CCDC178: variants seen among roughly 807,000 people sequenced by gnomAD.
CCDC178 encodes coiled-coil domain-containing protein 178.
In CCDC178, 126 loss-of-function variants were observed where a neutral mutation model predicts 117.4. That is an observed-to-expected ratio of 1.07 (90% CI 0.93 to 1.24). The LOEUF is 1.24. Among genes scored for constraint, CCDC178 ranks in the 50% most tolerant of loss-of-function variants. The pLI is 0.00. For missense variants in CCDC178, 1,030 were observed against 986.9 expected, an observed-to-expected ratio of 1.04 and a Z score of -0.59; for synonymous variants, 283 against 313.4, an observed-to-expected ratio of 0.90 and a Z score of 1.02.
At chr18:33,123,659 T>C (rs2057966276) in intron 20 of CCDC178, among the ~76,000 whole-genome samples, 1 of 152,190 alleles carries the variant, frequency 6.6e-6, no homozygotes, top group African/African-American at 2.4e-5. Flanking sequence ...TTTTGAATCT[T>C]ATTCTTCACT....
chr18:33,055,848 A>G (rs1448672988), intron 21 of CCDC178, among the ~76,000 whole-genome samples: 1 of 150,824 alleles, frequency 6.6e-6, no homozygotes, highest in Admixed American at 6.6e-5. Flanking sequence ...TCTGTCACCC[A>G]GGCCGGAGTG....
chr18:33,323,461 C>T (rs754709439), intron 11 of CCDC178, 30 bp downstream of exon 11: 2 of 1,355,258 alleles, frequency 1.5e-6, no homozygotes, highest in African/African-American at 1.5e-5. Context: ...TTTCTAAATG[C>T]TATAATTAGT....
At chr18:33,050,828 A>G (rs2056734132) in intron 21 of CCDC178, among the ~76,000 whole-genome samples, 1 of 152,240 alleles carries the variant, frequency 6.6e-6, no homozygotes, top group Admixed American at 6.5e-5. Flanking sequence ...AGGCTCACCC[A>G]TAAGAAATGA....
intron 6 of CCDC178, among the ~76,000 whole-genome samples, chr18:33,367,777 A>G (rs979807601): frequency 3.3e-5 from 5 of 152,130 alleles, no homozygotes; most frequent in African/African-American, 1.2e-4. Context: ...ATCTAACTGC[A>G]CAGTCAATAA....
intron 11 of CCDC178, among the ~76,000 whole-genome samples, chr18:33,322,790 T>C (rs1392669087): frequency 6.6e-6 from 1 of 151,484 alleles, no homozygotes; most frequent in Non-Finnish European, 1.5e-5. Flanking sequence ...CCTTAAGAAA[T>C]GAATGTTATC....
At chr18:32,946,368 G>A (rs917921833) in intron 22 of CCDC178, among the ~76,000 whole-genome samples, 3 of 152,076 alleles carry the variant, frequency 2.0e-5, no homozygotes, top group Non-Finnish European at 4.4e-5. Context: ...TCTTCATTCT[G>A]ATTGCTTTGA....
At chr18:33,325,314 T>G (rs1437326949) in intron 10 of CCDC178, among the ~76,000 whole-genome samples, 2 of 152,028 alleles carry the variant, frequency 1.3e-5, no homozygotes, top group Non-Finnish European at 2.9e-5. Flanking sequence ...ATACAATAAA[T>G]TATATACCTA....
At chr18:33,080,668 C>T (rs531927770) in intron 21 of CCDC178, among the ~76,000 whole-genome samples, 1 of 152,088 alleles carries the variant, frequency 6.6e-6, no homozygotes, top group Non-Finnish European at 1.5e-5. Context: ...GCAGCCCTAG[C>T]AAACTAATAC....
intron 22 of CCDC178, among the ~76,000 whole-genome samples, chr18:32,939,719 A>G (rs2054196666): frequency 6.6e-6 from 1 of 152,076 alleles, no homozygotes; most frequent in Non-Finnish European, 1.5e-5. Flanking sequence ...AGCACTAATA[A>G]CCTGCATGAC....
intron 21 of CCDC178, among the ~76,000 whole-genome samples, chr18:33,047,907 G>T (rs2144916035): frequency 6.6e-6 from 1 of 152,254 alleles, no homozygotes; most frequent in South Asian, 2.1e-4. Flanking sequence ...CAACTTGGAA[G>T]GTCAAAGTTT....
chr18:33,347,855 C>T (rs975354685), intron 8 of CCDC178, among the ~76,000 whole-genome samples: 19 of 152,000 alleles, frequency 1.3e-4, no homozygotes, highest in African/African-American at 2.9e-4. Context: ...TATTTAACAT[C>T]TCATTTTTTT....
intron 14 of CCDC178, among the ~76,000 whole-genome samples, chr18:33,261,362 C>A (rs1023809527): frequency 6.6e-6 from 1 of 152,294 alleles, no homozygotes; most frequent in African/African-American, 2.4e-5. Flanking sequence ...GGACTACAGG[C>A]TTGAGCCACC....
chr18:33,398,730 C>T (rs1016709025), intron 3 of CCDC178, among the ~76,000 whole-genome samples: 2 of 151,978 alleles, frequency 1.3e-5, no homozygotes, highest in African/African-American at 4.8e-5. Context: ...AAGCATACCT[C>T]GGAGATATTG....
At chr18:33,233,967 A>G (rs1434405701) in intron 15 of CCDC178, among the ~76,000 whole-genome samples, 2 of 152,132 alleles carry the variant, frequency 1.3e-5, no homozygotes, top group African/African-American at 4.8e-5. Flanking sequence ...TGAAAAGTCA[A>G]CTTGCCATCC....
At chr18:32,939,742 T>C (rs1050968651) in intron 22 of CCDC178, among the ~76,000 whole-genome samples, 54 of 152,124 alleles carry the variant, frequency 3.5e-4, no homozygotes, top group Non-Finnish European at 6.0e-4. Flanking sequence ...AGTGTGCAGA[T>C]AGGAGCATGG....
intron 9 of CCDC178, among the ~76,000 whole-genome samples, chr18:33,344,644 A>AT (rs1421393408): frequency 6.6e-6 from 1 of 151,850 alleles, no homozygotes; most frequent in African/African-American, 2.4e-5. Context: ...TTCCCTCCAT[A>AT]TTTTTTCTAC....
At chr18:33,324,028 G>T (rs1001739799) in intron 10 of CCDC178, among the ~76,000 whole-genome samples, 1 of 151,730 alleles carries the variant, frequency 6.6e-6, no homozygotes, top group African/African-American at 2.4e-5. Context: ...AGTAATTGTG[G>T]TTTTTGCCAT....
chr18:33,368,585 A>G (rs995245050), intron 6 of CCDC178, among the ~76,000 whole-genome samples: 1 of 151,958 alleles, frequency 6.6e-6, no homozygotes, highest in Non-Finnish European at 1.5e-5. Context: ...CATAGTATCT[A>G]ACAGTTTATC....
At chr18:33,008,002 G>A (rs1022165333) in intron 21 of CCDC178, among the ~76,000 whole-genome samples, 1 of 152,070 alleles carries the variant, frequency 6.6e-6, no homozygotes, top group Non-Finnish European at 1.5e-5. Flanking sequence ...CTCATTTCTT[G>A]TAATTATGTT....
Sources: allele counts gnomAD v4.1 joint callset (sites outside exome capture counted in the v4.1 genomes callset), GRCh38; gene constraint gnomAD v4.1.1; transcripts MANE v1.5; gene names NCBI Gene and HGNC (gene_info 2026-07-23, HGNC 2026-07-21).